Variants in EML1 observed in about 807,000 individuals in gnomAD.
EML1 encodes EMAP like 1, also known as echinoderm microtubule-associated protein-like 1.
A neutral mutation model predicts 110.4 loss-of-function variants in EML1; 27 were observed. The ratio of observed to expected loss-of-function variants is 0.24; its 90% CI spans 0.18 to 0.34. The LOEUF is 0.34. EML1 is among the 10% of genes least tolerant of loss of function. EML1 has a pLI of 1.00. For missense variants in EML1, 741 were observed against 1,030.9 expected (o/e 0.72, Z 3.85); for synonymous variants, 344 against 385.8 (o/e 0.89, Z 1.27).
At chr14:99,894,276 T>A (rs1037545318) in intron 5 of EML1, among the ~76,000 whole-genome samples, 9 of 152,222 alleles carry the variant, frequency 5.9e-5, no homozygotes. Flanking sequence ...TTAAGTGGAT[T>A]TCTTGTGTTA....
rs1379026927 is a variant in EML1 at position 99,753,203 on chromosome 14, C to T, written c.28+15343C>T. Among the ~76,000 whole-genome samples, 130 of 117,518 alleles carry T rather than the reference C, an allele frequency of 1.1e-3. 2 individuals carry two copies. Among genetic ancestry groups the T allele is most frequent in the Admixed American group, 2.3e-3 (27 of 11,894 alleles). The allele number at this position is 117,518 out of a possible 152,430, so 77.1% of individuals were successfully genotyped here. A position where few individuals can be genotyped will look rare whatever the true frequency, so the allele number is the denominator to read the frequency against. On this transcript the variant is annotated intron_variant, in intron 1 of 10. Coordinates refer to the EML1 transcript ENST00000554479. ...CCCCTACCCGCACCCCCCGCCCCCC[C>T]GCCGCCCCCCCACCCCCCACTGCCC...
At chr14:99,782,383 C>T (rs1418545596) in intron 1 of EML1, among the ~76,000 whole-genome samples, 10 of 152,134 alleles carry the variant, frequency 6.6e-5, no homozygotes, top group African/African-American at 1.9e-4. Context: ...CTGGAGCCAG[C>T]GCCTGATGGT....
intron 1 of EML1, among the ~76,000 whole-genome samples, chr14:99,807,896 G>A (rs1461018334): frequency 1.3e-5 from 2 of 152,160 alleles, no homozygotes; most frequent in Non-Finnish European, 2.9e-5. Context: ...TCTCATAAAT[G>A]TTAGATTTGT....
At chr14:99,799,895 A>G (rs2057842916) in intron 1 of EML1, among the ~76,000 whole-genome samples, 1 of 152,204 alleles carries the variant, frequency 6.6e-6, no homozygotes, top group African/African-American at 2.4e-5. Flanking sequence ...AACATTGAAA[A>G]CGGAACATGA....
chr14:99,880,159 C>A (rs1436242018), intron 4 of EML1, among the ~76,000 whole-genome samples: 1 of 152,126 alleles, frequency 6.6e-6, no homozygotes. Flanking sequence ...AAAATAAATT[C>A]TTTGTCTTGT....
chr14:99,770,284 T>C (rs967190026), upstream of EML1, among the ~76,000 whole-genome samples: 9 of 152,198 alleles, frequency 5.9e-5, no homozygotes, highest in African/African-American at 2.2e-4. Context: ...GCTGTCTTCC[T>C]GGTTCACAGA....
chr14:99,784,576 T>A lies in EML1; in HGVS notation c.-27+10563T>A, dbSNP rs964957011. Reference sequence around the variant, plus strand: ...ATCCATTTGGACTATCAACAGATTATCTGTGGAAGGGTCTGAAGTTCATGA... The same window carrying A: ...ATCCATTTGGACTATCAACAGATTAACTGTGGAAGGGTCTGAAGTTCATGA... On this transcript the variant is annotated intron_variant, in intron 1 of 22. Coordinates refer to the EML1 transcript ENST00000327921. This position sits in a 1 kb window ranked among gnomAD's most constrained non-coding sequence, Gnocchi z 4.5. Among the ~76,000 whole-genome samples, 10 of 152,250 alleles carry A rather than the reference T, an allele frequency of 6.6e-5. No homozygotes were observed. The highest frequency in any genetic ancestry group is 2.4e-4 in the African/African-American group (10 of 41,468).
At chr14:99,796,011 C>A (rs529525691) in intron 1 of EML1, among the ~76,000 whole-genome samples, 1 of 152,088 alleles carries the variant, frequency 6.6e-6, no homozygotes. Context: ...CATAGCAAGA[C>A]CCCCCTCTAC....
chr14:99,744,068 T>A (rs1396880897), intron 1 of EML1, among the ~76,000 whole-genome samples: 2 of 152,166 alleles, frequency 1.3e-5, no homozygotes, highest in Non-Finnish European at 2.9e-5. Flanking sequence ...CATTTCAAAT[T>A]TCCAATTTTT....
At chr14:99,788,296 CACA>C (rs2057622247) in intron 1 of EML1, among the ~76,000 whole-genome samples, 1 of 152,094 alleles carries the variant, frequency 6.6e-6, no homozygotes, top group South Asian at 2.1e-4. Context: ...GACCGTGACC[CACA>C]ACAAGAAATG....
Position 99,894,680 on chromosome 14 carries a change from T to C in EML1, c.599T>C (p.Met200Thr), listed in dbSNP as rs763351218. Reference protein sequence around the residue: ...FLRGRPVTMYMPKDQVDSYSL... With the variant: ...FLRGRPVTMYTPKDQVDSYSL... The stretch of plus-strand genomic sequence containing the variant: ...CGTGGACGCCCTGTTACCATGTACA[T>C]GCCCAAAGATCAAGTGGATTCTTAC... Residue 200 changes from methionine (M) to threonine (T), a missense_variant, in exon 6 of 22, where the codon ATG (methionine) becomes ACG (threonine). Physicochemically the swap from Met to Thr is moderately conservative, Grantham distance 81 (BLOSUM62 -1). This residue lies in a region of EML1 where 226 missense variants were observed against 255.6 expected (regional missense o/e 0.88). Transcript: ENST00000262233. 2.5e-6 allele frequency: 4 copies of C among 1,613,906 alleles called. No homozygotes were observed. Among genetic ancestry groups the C allele is most frequent in the Non-Finnish European group, 2.5e-6 (3 of 1,179,918 alleles).
chr14:99,775,409 G>C (rs1243767425), intron 1 of EML1, among the ~76,000 whole-genome samples: 1 of 152,236 alleles, frequency 6.6e-6, no homozygotes, highest in Non-Finnish European at 1.5e-5. Context: ...AGATGAACTT[G>C]AGACGTGGTG....
chr14:99,864,146 A>T (rs982717245), intron 2 of EML1, among the ~76,000 whole-genome samples: 3 of 152,160 alleles, frequency 2.0e-5, no homozygotes, highest in Non-Finnish European at 4.4e-5. Flanking sequence ...TTCTTTGGTG[A>T]AGTGTCTTTT....
Position 99,827,102 on chromosome 14 carries a change from T to G in EML1, c.68-23751T>G, listed in dbSNP as rs892200445. On this transcript the variant is annotated intron_variant, in intron 1 of 21. Coordinates refer to ENST00000262233, the MANE Select transcript of EML1 (RefSeq NM_004434.3). The surrounding 1 kb of genome is among the most constrained non-coding windows in gnomAD (Gnocchi z 4.4). ...GTAAATACGCTGGGGGGTATTTACA[T>G]GTAGAGGGGGATGACCACCTGAAGA... Among the ~76,000 whole-genome samples the G allele has an allele frequency of 6.6e-6, 1 of 152,008 alleles. No homozygotes were observed. Among genetic ancestry groups the G allele is most frequent in the South Asian group, 2.1e-4 (1 of 4,818 alleles).
intron 17 of EML1, among the ~76,000 whole-genome samples, chr14:99,930,529 CTA>C (rs2060349055): frequency 6.6e-6 from 1 of 152,198 alleles, no homozygotes; most frequent in African/African-American, 2.4e-5. Context: ...CATTTATGGA[CTA>C]TTTTATATAA....
At chr14:99,809,865 G>C (rs1399159599) in intron 1 of EML1, among the ~76,000 whole-genome samples, 1 of 152,162 alleles carries the variant, frequency 6.6e-6, no homozygotes, top group Admixed American at 6.5e-5. Flanking sequence ...AGGCCCTTCT[G>C]GGATATTGGC....
chr14:99,823,274 C>T (rs1426856629), intron 1 of EML1, among the ~76,000 whole-genome samples: 3 of 151,978 alleles, frequency 2.0e-5, no homozygotes, highest in African/African-American at 4.8e-5. Flanking sequence ...TGCTAGTTCC[C>T]GGCTCACAGC....
intron 2 of EML1, among the ~76,000 whole-genome samples, chr14:99,853,963 A>G (rs1214929823): frequency 6.6e-6 from 1 of 152,168 alleles, no homozygotes; most frequent in Non-Finnish European, 1.5e-5. Flanking sequence ...GAGCCACCGC[A>G]TCTGACCTGC....
intron 17 of EML1, among the ~76,000 whole-genome samples, chr14:99,935,082 G>A (rs757442490): frequency 2.0e-5 from 3 of 152,210 alleles, no homozygotes; most frequent in Non-Finnish European, 4.4e-5. Context: ...GTGGCTAGAA[G>A]GCTGTCCTGG....
Sources: gnomAD v4.1 joint callset for allele counts (sites outside exome capture counted in the v4.1 genomes callset) on GRCh38, gnomAD v4.1.1 for gene constraint, gnomAD v4.1.1 regional missense constraint, Gnocchi (gnomAD v3.1) non-coding constraint, MANE v1.5 for transcripts, NCBI Gene and HGNC (gene_info 2026-07-23, HGNC 2026-07-21) for gene names.